Variants in ATRNL1 observed in about 807,000 individuals in gnomAD.
ATRNL1 encodes the protein attractin-like protein 1.
A neutral mutation model predicts 182.7 loss-of-function variants in ATRNL1; 95 were observed. The observed-to-expected ratio is 0.52, with a 90% CI of 0.44 to 0.62. The LOEUF (loss-of-function observed/expected upper bound fraction) is 0.62. Among genes scored for constraint, ATRNL1 ranks in the 20% least tolerant of loss-of-function variants. The pLI, the probability that ATRNL1 is intolerant of heterozygous loss-of-function variation, is 0.00. For synonymous variants in ATRNL1, 576 were observed against 568.3 expected, an observed-to-expected ratio of 1.01 and a Z score of -0.19; for missense variants, 1,471 against 1,679.5, an observed-to-expected ratio of 0.88 and a Z score of 2.17.
At chr10:115,165,501 T>A (rs1846996992) in intron 6 of ATRNL1, 57 bp from the exon 7 acceptor site, 1 of 1,055,292 alleles carries the variant, frequency 9.5e-7, no homozygotes, top group Non-Finnish European at 1.3e-6. Context: ...CACGTGAAAA[T>A]TAAAAAAACA....
intron 1 of ATRNL1, among the ~76,000 whole-genome samples, chr10:115,099,890 A>C (rs1843702098): frequency 1.3e-5 from 2 of 152,234 alleles, no homozygotes; most frequent in South Asian, 4.1e-4. Flanking sequence ...AAAACAATGC[A>C]AAGAGAATGA....
chr10:115,616,965 C>A (rs1417663400), intron 26 of ATRNL1, among the ~76,000 whole-genome samples: 2 of 152,220 alleles, frequency 1.3e-5, no homozygotes, highest in African/African-American at 4.8e-5. Context: ...CACTGGGGCA[C>A]TGCCTAGTGG....
chr10:115,121,900 T>C (rs1323347965), intron 3 of ATRNL1, 88 bp downstream of exon 3: 1 of 569,704 alleles, frequency 1.8e-6, no homozygotes, highest in South Asian at 2.6e-5. Flanking sequence ...AAAATAAATT[T>C]AGTAAAGATA....
rs1053152516 is a variant in ATRNL1 at position 115,404,030 on chromosome 10, C to T, written c.3269+9278C>T. Among the ~76,000 whole-genome samples, 4 of 152,186 alleles carry T rather than the reference C, an allele frequency of 2.6e-5. No individual in the cohort carries two copies. In the East Asian group the frequency reaches 5.8e-4, roughly 22 times the overall value. On this transcript the variant is annotated intron_variant, in intron 20 of 28. Coordinates refer to ENST00000355044, the MANE Select transcript of ATRNL1 (RefSeq NM_207303.4). ...GTATGAAACCATATATGGTTTTGTC[C>T]GATTTCTACCCTTGAGGAATATGTT...
At chr10:115,810,782 G>T (rs537845252) in intron 27 of ATRNL1, among the ~76,000 whole-genome samples, 3 of 151,704 alleles carry the variant, frequency 2.0e-5, no homozygotes. Flanking sequence ...AAATTTATTG[G>T]CAGTCTCTTA....
intron 27 of ATRNL1, among the ~76,000 whole-genome samples, chr10:115,784,164 T>C (rs1174350737): frequency 3.9e-5 from 6 of 152,352 alleles, no homozygotes; most frequent in South Asian, 2.1e-4. Context: ...ATATGCCTTA[T>C]AGAGTGTTGT....
intron 6 of ATRNL1, among the ~76,000 whole-genome samples, chr10:115,163,519 A>C (rs553148447): frequency 3.1e-4 from 47 of 151,888 alleles, no homozygotes; most frequent in African/African-American, 1.1e-3. Context: ...ATGCAACACT[A>C]TGCCTGGCTA....
chr10:115,673,929 C>T (rs1361307607), intron 26 of ATRNL1, among the ~76,000 whole-genome samples: 1 of 152,016 alleles, frequency 6.6e-6, no homozygotes, highest in East Asian at 1.9e-4. Context: ...CAGCATGCTT[C>T]CTCTTGGGAG....
intron 20 of ATRNL1, among the ~76,000 whole-genome samples, chr10:115,403,914 T>C (rs1162092332): frequency 6.6e-6 from 1 of 152,212 alleles, no homozygotes; most frequent in African/African-American, 2.4e-5. Context: ...TCTGTAAACA[T>C]TTATTCACTG....
chr10:115,254,214 G>A (rs1457834825), intron 10 of ATRNL1, among the ~76,000 whole-genome samples: 1 of 152,192 alleles, frequency 6.6e-6, no homozygotes, highest in African/African-American at 2.4e-5. Context: ...TCACCACACT[G>A]TCTTCCACAA....
At chr10:115,206,269 A>G (rs1355651687) in intron 8 of ATRNL1, among the ~76,000 whole-genome samples, 1 of 152,048 alleles carries the variant, frequency 6.6e-6, no homozygotes, top group African/African-American at 2.4e-5. Flanking sequence ...CAACAGTTTA[A>G]TTGTTACATG....
chr10:115,600,602 G>C (rs11818103), intron 26 of ATRNL1, among the ~76,000 whole-genome samples: 3,251 of 152,000 alleles, frequency 0.021, 104 homozygotes, highest in African/African-American at 0.072. Flanking sequence ...AGATGTAAAC[G>C]GTTCTTATAT....
intron 26 of ATRNL1, among the ~76,000 whole-genome samples, chr10:115,675,017 G>A (rs1417569701): frequency 6.6e-6 from 1 of 152,068 alleles, no homozygotes; most frequent in Non-Finnish European, 1.5e-5. Context: ...CCACTAGACT[G>A]TGGGTTCCTT....
intron 27 of ATRNL1, among the ~76,000 whole-genome samples, chr10:115,834,748 C>G (rs1306416977): frequency 3.9e-5 from 6 of 152,154 alleles, no homozygotes; most frequent in African/African-American, 1.2e-4. Context: ...CTACTACCTT[C>G]CACCATGTGT....
chr10:115,682,669 T>TG (rs1946086345), intron 26 of ATRNL1, among the ~76,000 whole-genome samples: 4 of 149,958 alleles, frequency 2.7e-5, no homozygotes, highest in African/African-American at 9.9e-5. Flanking sequence ...AGATAATACA[T>TG]ATGATGATGA....
intron 27 of ATRNL1, among the ~76,000 whole-genome samples, chr10:115,768,024 T>C (rs1301934477): frequency 1.3e-5 from 2 of 152,214 alleles, no homozygotes; most frequent in Non-Finnish European, 2.9e-5. Flanking sequence ...GTAGTAAGAA[T>C]GTTAAAGACA....
intron 8 of ATRNL1, 108 bp from the exon 9 acceptor site, chr10:115,215,589 A>T (rs1014091226): frequency 1.2e-6 from 1 of 836,530 alleles, no homozygotes; most frequent in Admixed American, 3.4e-5. Flanking sequence ...TACAATGTTT[A>T]CTCATAAAAA....
At chr10:115,172,317 G>T (rs1198976210) in intron 8 of ATRNL1, among the ~76,000 whole-genome samples, 1 of 151,830 alleles carries the variant, frequency 6.6e-6, no homozygotes, top group Non-Finnish European at 1.5e-5. Context: ...TACATCATCA[G>T]AATATATCAC....
chr10:115,687,591 A>G (rs557276488), intron 26 of ATRNL1, among the ~76,000 whole-genome samples: 1 of 152,130 alleles, frequency 6.6e-6, no homozygotes, highest in Non-Finnish European at 1.5e-5. Context: ...AGGAATACAG[A>G]TACCTCTTTG....
Sources: allele counts gnomAD v4.1 joint callset (sites outside exome capture counted in the v4.1 genomes callset), GRCh38; gene constraint gnomAD v4.1.1; transcripts MANE v1.5; gene names NCBI Gene and HGNC (gene_info 2026-07-23, HGNC 2026-07-21).